CLIP2: variants seen among roughly 807,000 people sequenced by gnomAD.
CLIP2 encodes CAP-Gly domain containing linker protein 2, also known as CAP-Gly domain-containing linker protein 2.
CLIP2 carries 41 observed loss-of-function variants against 111.7 expected under a neutral mutation model. The observed-to-expected ratio is 0.37, with a 90% CI of 0.29 to 0.48. The LOEUF (loss-of-function observed/expected upper bound fraction) is 0.48. Among genes scored for constraint, CLIP2 ranks in the 20% least tolerant of loss-of-function variants. The pLI is 0.99. For synonymous variants in CLIP2, 660 were observed against 644.2 expected, an observed-to-expected ratio of 1.02 and a Z score of -0.37; for missense variants, 1,160 against 1,422.1, an observed-to-expected ratio of 0.82 and a Z score of 2.96.
At chr7:74,364,949 G>A in intron 8 of CLIP2, 1 of 443,712 alleles carries the variant, frequency 2.3e-6, no homozygotes, top group South Asian at 1.6e-5. Flanking sequence ...GCTTGAATCT[G>A]GGAGATGGAG....
intron 3 of CLIP2, among the ~76,000 whole-genome samples, chr7:74,345,132 T>G (rs1488613548): frequency 1.3e-5 from 2 of 152,182 alleles, no homozygotes; most frequent in Non-Finnish European, 2.9e-5. Flanking sequence ...CACATGTAGT[T>G]GGCCCTAGGA....
chr7:74,357,755 C>T (rs1038984358), intron 6 of CLIP2, among the ~76,000 whole-genome samples: 1 of 150,928 alleles, frequency 6.6e-6, no homozygotes, highest in African/African-American at 2.4e-5. Flanking sequence ...TATTATTTTT[C>T]TTTCTTTCTT....
intron 11 of CLIP2, 134 bp downstream of exon 11, chr7:74,380,997 A>G (rs1554313818): frequency 1.2e-6 from 1 of 827,482 alleles, no homozygotes; most frequent in East Asian, 2.5e-5. Context: ...GCTGTGAGCT[A>G]TGTACTCCTG....
intron 3 of CLIP2, among the ~76,000 whole-genome samples, chr7:74,347,489 C>G (rs1320086259): frequency 1.3e-5 from 2 of 152,052 alleles, no homozygotes; most frequent in Non-Finnish European, 2.9e-5. Flanking sequence ...AGGCTGGTCT[C>G]GATCTCCTGA....
intron 15 of CLIP2, 64 bp downstream of exon 15, chr7:74,400,619 G>T: frequency 7.0e-7 from 1 of 1,421,094 alleles, no homozygotes. Flanking sequence ...CGGAGCCCCC[G>T]TCTGATGCGG....
intron 13 of CLIP2, among the ~76,000 whole-genome samples, chr7:74,391,972 G>A (rs1215765698): frequency 6.6e-6 from 1 of 151,646 alleles, no homozygotes; most frequent in Non-Finnish European, 1.5e-5. Flanking sequence ...TTTGGGAGGC[G>A]GAGACTGGAG....
intron 8 of CLIP2, among the ~76,000 whole-genome samples, chr7:74,369,367 C>T (rs1350779290): frequency 6.7e-6 from 1 of 150,038 alleles, no homozygotes; most frequent in Non-Finnish European, 1.5e-5. Context: ...AAAGTAGAAA[C>T]AAAGAAACAA....
intron 16 of CLIP2, among the ~76,000 whole-genome samples, chr7:74,402,965 C>G (rs1791661094): frequency 6.6e-6 from 1 of 151,892 alleles, no homozygotes; most frequent in Admixed American, 6.6e-5. Flanking sequence ...AATCCCAGCA[C>G]TTTAGGAGGC....
intron 3 of CLIP2, among the ~76,000 whole-genome samples, chr7:74,346,394 G>A (rs1394031094): frequency 1.3e-5 from 2 of 152,174 alleles, no homozygotes; most frequent in Non-Finnish European, 2.9e-5. Flanking sequence ...CTCTAGAAAT[G>A]AGGCTGCCAC....
chr7:74,302,591 G>T (rs1208777967), intron 1 of CLIP2, among the ~76,000 whole-genome samples: 1 of 152,184 alleles, frequency 6.6e-6, no homozygotes, highest in African/African-American at 2.4e-5. Flanking sequence ...CTCAACCCTT[G>T]CTTGTCTCCC....
At chr7:74,400,817 T>C (rs1468104078) in intron 15 of CLIP2, among the ~76,000 whole-genome samples, 4 of 127,014 alleles carry the variant, frequency 3.1e-5, no homozygotes, top group Middle Eastern at 5.6e-3. Context: ...AATGGGGAGG[T>C]AGCTCTGTCC....
chr7:74,404,125 G>T lies in CLIP2; in HGVS notation c.*277G>T. 2.1e-6 allele frequency: 1 copy of T among 471,780 alleles called. No individual in the cohort carries two copies. The highest frequency in any genetic ancestry group is 2.2e-5 in the South Asian group (1 of 45,670). 29.2% of individuals were successfully genotyped at this position (471,780 alleles called of 1,614,324 possible). ...GGACACCCGGCAGCTTCTGGAGTTT[G>T]TCAGTGGAGGCAGAGGGGATCCGGC... On this transcript the variant is annotated 3_prime_UTR_variant, in exon 17 of 17. Coordinates refer to ENST00000223398, the MANE Select transcript of CLIP2 (RefSeq NM_003388.5).
intron 11 of CLIP2, 27 bp from the exon 12 acceptor site, chr7:74,386,494 G>A (rs782717045): frequency 3.8e-6 from 6 of 1,598,434 alleles, no homozygotes; most frequent in Non-Finnish European, 5.1e-6. Flanking sequence ...GAGCATTGAT[G>A]CTTCTCGTCT....
chr7:74,399,682 G>C (rs1791564760), intron 14 of CLIP2, among the ~76,000 whole-genome samples: 1 of 151,750 alleles, frequency 6.6e-6, no homozygotes, highest in South Asian at 2.1e-4. Flanking sequence ...TGGGACTACA[G>C]ATGTGAGCCA....
At chr7:74,389,290 C>T in intron 13 of CLIP2, 31 bp downstream of exon 13, 1 of 1,531,210 alleles carries the variant, frequency 6.5e-7, no homozygotes, top group Non-Finnish European at 8.8e-7. Context: ...GCTGGGTCCT[C>T]CCTGTGGCCC....
intron 1 of CLIP2, among the ~76,000 whole-genome samples, chr7:74,316,584 A>T (rs1272575607): frequency 2.1e-5 from 3 of 143,920 alleles, no homozygotes; most frequent in Non-Finnish European, 4.6e-5. Context: ...CTTTTGAGAC[A>T]AGAGTCTCAC....
intron 10 of CLIP2, among the ~76,000 whole-genome samples, chr7:74,377,068 C>T (rs1037259020): frequency 2.6e-5 from 4 of 152,102 alleles, no homozygotes; most frequent in East Asian, 1.9e-4. Flanking sequence ...TGCATCCCCC[C>T]GCACAGAGCA....
At chr7:74,359,650 C>T (rs113078606) in intron 6 of CLIP2, among the ~76,000 whole-genome samples, 106 of 152,238 alleles carry the variant, frequency 7.0e-4, no homozygotes, top group African/African-American at 2.2e-3. Flanking sequence ...CCACTGCACC[C>T]GGCCCATTTC....
At chr7:74,341,137 T>C (rs1177769474) in intron 3 of CLIP2, among the ~76,000 whole-genome samples, 1 of 152,154 alleles carries the variant, frequency 6.6e-6, no homozygotes, top group South Asian at 2.1e-4. Flanking sequence ...GGTTTTATCA[T>C]CCTCACTTTA....
Sources: allele counts gnomAD v4.1 joint callset (sites outside exome capture counted in the v4.1 genomes callset), GRCh38; gene constraint gnomAD v4.1.1; transcripts MANE v1.5; gene names NCBI Gene and HGNC (gene_info 2026-07-23, HGNC 2026-07-21).